Variants in UGGT2 observed in about 807,000 individuals in gnomAD.
The protein encoded by UGGT2 is UDP-glucose glycoprotein glucosyltransferase 2.
UGGT2 carries 180 observed loss-of-function variants against 192.1 expected under a neutral mutation model. The ratio of observed to expected loss-of-function variants is 0.94; its 90% confidence interval spans 0.83 to 1.06. UGGT2 has a LOEUF of 1.06. Among genes scored for constraint, UGGT2 ranks in the 50% least tolerant of loss-of-function variants. The pLI is 0.00. For synonymous variants in UGGT2, 580 were observed against 591.0 expected, an observed-to-expected ratio of 0.98 and a Z score of 0.27; for missense variants, 1,849 against 1,795.7, an observed-to-expected ratio of 1.03 and a Z score of -0.54.
At position 95,999,269 on chromosome 13, in the gene UGGT2, A is replaced by G. The variant is rs1393882330; in HGVS notation, c.699T>C (p.Gly233=). ...SSRKMYLSGY[G]VELAIKSTEY... is the part of the protein sequence containing the mutation. ...CTGTACTCTTAATTGCTAGCTCCAC[A>G]CCATACCCAGATAAGTACATTTTCC... The change falls in exon 6 of 39, where the codon GGT becomes GGC. Residue 233 remains glycine, a synonymous_variant. Coordinates refer to ENST00000376747, the MANE Select transcript of UGGT2 (RefSeq NM_020121.4). 1.2e-6 allele frequency: 2 copies of G among 1,613,640 alleles called. No individual in the cohort carries two copies. Among genetic ancestry groups the G allele is most frequent in the Non-Finnish European group, 1.7e-6 (2 of 1,179,730 alleles).
intron 16 of UGGT2, 152 bp from the exon 17 acceptor site, chr13:95,937,240 G>A: frequency 1.1e-6 from 1 of 924,262 alleles, no homozygotes; most frequent in Non-Finnish European, 1.6e-6. Flanking sequence ...ATTGCCTAAA[G>A]GAAAGTAATT....
intron 27 of UGGT2, among the ~76,000 whole-genome samples, chr13:95,879,123 A>G (rs2047421815): frequency 6.6e-6 from 1 of 152,200 alleles, no homozygotes; most frequent in African/African-American, 2.4e-5. Context: ...CTTTACAGAC[A>G]AGGAAGCAAT....
At chr13:95,887,698 T>C (rs1445403956) in intron 26 of UGGT2, among the ~76,000 whole-genome samples, 194 bp downstream of exon 26, 1 of 152,202 alleles carries the variant, frequency 6.6e-6, no homozygotes. Context: ...CAGATCACTT[T>C]GCTGAGTTAG....
chr13:96,008,491 T>TG (rs2052052976), intron 5 of UGGT2, among the ~76,000 whole-genome samples: 1 of 152,196 alleles, frequency 6.6e-6, no homozygotes, highest in Non-Finnish European at 1.5e-5. Flanking sequence ...CCATAGTCTC[T>TG]GCACAAAAGC....
chr13:96,042,767 G>T (rs1332252434), intron 1 of UGGT2, among the ~76,000 whole-genome samples: 1 of 152,066 alleles, frequency 6.6e-6, no homozygotes, highest in Non-Finnish European at 1.5e-5. Flanking sequence ...AAGAACTTCA[G>T]AGCTTGAGGA....
At chr13:96,046,290 G>T (rs566679139) in intron 1 of UGGT2, among the ~76,000 whole-genome samples, 2 of 152,260 alleles carry the variant, frequency 1.3e-5, no homozygotes, top group African/African-American at 4.8e-5. Context: ...ACATGTAGGA[G>T]AATGAAACTG....
At chr13:95,836,110 G>A (rs993637675) in intron 37 of UGGT2, among the ~76,000 whole-genome samples, 8 of 152,046 alleles carry the variant, frequency 5.3e-5, no homozygotes, top group African/African-American at 7.2e-5. Context: ...GTGTAGTGGC[G>A]CCATCTCCGC....
intron 38 of UGGT2, among the ~76,000 whole-genome samples, chr13:95,820,777 C>A (rs1885429052): frequency 1.3e-5 from 2 of 151,898 alleles, no homozygotes; most frequent in South Asian, 4.2e-4. Context: ...TGCCTCAAGT[C>A]CCCAAAGTCC....
At chr13:95,856,610 T>C (rs541120628) in intron 33 of UGGT2, 110 of 445,390 alleles carry the variant, frequency 2.5e-4, no homozygotes, top group Middle Eastern at 6.6e-4. Context: ...TAATGGAAGA[T>C]AAATGTTCCC....
intron 2 of UGGT2, among the ~76,000 whole-genome samples, chr13:96,024,424 A>G (rs959824503): frequency 3.3e-5 from 5 of 152,234 alleles, no homozygotes; most frequent in African/African-American, 1.2e-4. Context: ...AGAAGGCAGA[A>G]AAGTGCAGCC....
chr13:95,830,500 T>C (rs941460793), intron 38 of UGGT2, among the ~76,000 whole-genome samples: 1 of 152,180 alleles, frequency 6.6e-6, no homozygotes, highest in African/African-American at 2.4e-5. Flanking sequence ...AAAAACGATA[T>C]TTATGCAGCC....
intron 35 of UGGT2, 107 bp from the exon 36 acceptor site, chr13:95,853,764 G>A (rs1277357042): frequency 4.7e-6 from 3 of 637,726 alleles, no homozygotes; most frequent in African/African-American, 3.8e-5. Flanking sequence ...AGATATCCTA[G>A]GATCTAATAA....
At chr13:95,995,877 G>T in intron 7 of UGGT2, 186 bp downstream of exon 7, 1 of 568,528 alleles carries the variant, frequency 1.8e-6, no homozygotes, top group South Asian at 2.1e-5. Flanking sequence ...GTGCTTTTCT[G>T]CTTTCTGTAG....
intron 2 of UGGT2, among the ~76,000 whole-genome samples, chr13:96,026,069 A>G (rs1220906594): frequency 6.6e-6 from 1 of 152,140 alleles, no homozygotes. Context: ...AAAGAAAACT[A>G]TAATCCAAGA....
intron 17 of UGGT2, among the ~76,000 whole-genome samples, chr13:95,928,017 G>A (rs770778228): frequency 5.3e-5 from 8 of 152,324 alleles, no homozygotes; most frequent in African/African-American, 1.2e-4. Context: ...CAAGGCAGAA[G>A]AATTTTTCTT....
At chr13:95,858,484 T>C (rs1594165941) in intron 33 of UGGT2, among the ~76,000 whole-genome samples, 2 of 152,166 alleles carry the variant, frequency 1.3e-5, no homozygotes, top group South Asian at 2.1e-4. Flanking sequence ...ACCACAAAGT[T>C]TGAATGAGCT....
At position 95,995,842 on chromosome 13, in the gene UGGT2, G is replaced by A. The variant is rs1171341933; in HGVS notation, c.830+221C>T. 5.9e-6 allele frequency: 3 copies of A among 507,236 alleles called. No individual in the cohort carries two copies. The African/African-American group carries it at 6.0e-5, about 10-fold the overall frequency. The allele number at this position is 507,236 out of a possible 1,614,324, so 31.4% of individuals were successfully genotyped here. A position where few individuals can be genotyped will look rare whatever the true frequency, so the allele number is the denominator to read the frequency against. Reference sequence around the variant, plus strand: ...AACATTATGAGTTATCTCTTTAATTGTGAAATTAGTGATTATTTTTAAATG... The same window carrying A: ...AACATTATGAGTTATCTCTTTAATTATGAAATTAGTGATTATTTTTAAATG... On this transcript the variant is annotated intron_variant, in intron 7 of 38. Transcript: ENST00000376747.
At position 95,822,152 on chromosome 13, in the gene UGGT2, C is replaced by A. The variant is rs536737905; in HGVS notation, c.4528+10775G>T. Among the ~76,000 whole-genome samples, 18 of 152,190 alleles carry A rather than the reference C, an allele frequency of 1.2e-4. No individual in the cohort carries two copies. The South Asian group carries it at 3.1e-3, about 26-fold the overall frequency. The stretch of plus-strand genomic sequence containing the variant: ...CATTGAATCTGTAGGTTGCATTGGG[C>A]AGTATGGTCATTTTCACAATATTGA... On this transcript the variant is annotated intron_variant, in intron 38 of 38. Transcript: ENST00000376747.
At position 96,031,970 on chromosome 13, in the gene UGGT2, C is replaced by T. The variant is rs1268872706; in HGVS notation, c.160G>A (p.Glu54Lys). The change falls in exon 2 of 39, where the codon GAA becomes AAA. Residue 54 changes from glutamate (E) to lysine (K), a missense_variant and splice_region_variant. Glu to Lys is a moderately conservative substitution (Grantham distance 56). Coordinates refer to ENST00000376747, the MANE Select transcript of UGGT2 (RefSeq NM_020121.4). ...PETPLLLEAS[E>K]FMAEESNEKF... ...TCATTACTTTCTTCTGCCATAAATTCACTATTAAAAAAATAGAAGTAATCG... is the reference window on the plus strand; with the variant it reads ...TCATTACTTTCTTCTGCCATAAATTTACTATTAAAAAAATAGAAGTAATCG... 1.9e-6 allele frequency: 3 copies of T among 1,605,290 alleles called. No individual in the cohort carries two copies. The Admixed American group carries it at 5.0e-5, about 27-fold the overall frequency.
Sources: allele counts gnomAD v4.1 joint callset (sites outside exome capture counted in the v4.1 genomes callset), GRCh38; gene constraint gnomAD v4.1.1; transcripts MANE v1.5; gene names NCBI Gene and HGNC (gene_info 2026-07-23, HGNC 2026-07-21).